Variants in GPATCH2 observed in about 807,000 individuals in gnomAD.
GPATCH2 encodes the protein G patch domain-containing protein 2.
In GPATCH2, 51 loss-of-function variants were observed where a neutral mutation model predicts 58.0. The observed-to-expected ratio is 0.88, with a 90% CI of 0.70 to 1.11. GPATCH2 has a LOEUF of 1.11. Among genes scored for constraint, GPATCH2 ranks in the 50% most tolerant of loss-of-function variants. GPATCH2 has a pLI of 0.00. For synonymous variants in GPATCH2, 222 were observed against 218.5 expected, an observed-to-expected ratio of 1.02 and a Z score of -0.14; for missense variants, 625 against 652.2, an observed-to-expected ratio of 0.96 and a Z score of 0.45.
intron 2 of GPATCH2, among the ~76,000 whole-genome samples, chr1:217,618,221 C>CTTTTTTT (rs34863823): frequency 8.0e-6 from 1 of 124,766 alleles, no homozygotes; most frequent in African/African-American, 3.0e-5. Flanking sequence ...CCTCTGGAAA[C>CTTTTTTT]TTTTTTTTTT....
At chr1:217,589,915 ACT>A (rs1207332181) in intron 5 of GPATCH2, among the ~76,000 whole-genome samples, 1 of 151,856 alleles carries the variant, frequency 6.6e-6, no homozygotes, top group Non-Finnish European at 1.5e-5. Context: ...TCTATAACCA[ACT>A]CTATTTGAAA....
chr1:217,530,309 C>A (rs527912212), intron 5 of GPATCH2, among the ~76,000 whole-genome samples: 1 of 152,198 alleles, frequency 6.6e-6, no homozygotes, highest in East Asian at 1.9e-4. Flanking sequence ...AGTGTTATGA[C>A]TGTCTCAATT....
chr1:217,568,146 A>AC (rs1491433198), intron 5 of GPATCH2, among the ~76,000 whole-genome samples: 7 of 152,162 alleles, frequency 4.6e-5, no homozygotes, highest in African/African-American at 1.2e-4. Flanking sequence ...CAACAAAAAA[A>AC]CCCCAACATT....
chr1:217,462,114 C>A lies in GPATCH2; in HGVS notation c.1278-12777G>T, dbSNP rs575087514. Among the ~76,000 whole-genome samples, 50 of 152,192 alleles carry A rather than the reference C, an allele frequency of 3.3e-4. No individual in the cohort carries two copies. In the South Asian group the frequency reaches 0.01, roughly 32 times the overall value. ...AGTTTTGACATTAAGATCTTTGAAC[C>A]AAAGGCAGTTTATAATTTTGTTAAA... On this transcript the variant is annotated intron_variant, in intron 8 of 9. Coordinates refer to ENST00000366935, the MANE Select transcript of GPATCH2 (RefSeq NM_018040.5).
chr1:217,581,656 A>T (rs1667090819), intron 5 of GPATCH2, among the ~76,000 whole-genome samples: 1 of 152,150 alleles, frequency 6.6e-6, no homozygotes, highest in African/African-American at 2.4e-5. Flanking sequence ...AACAGTGTGA[A>T]ATATTAGAAG....
rs1306255865 is a variant in GPATCH2, at chr1:217,610,402, T to A, written c.1019-2A>T. 1.3e-6 allele frequency: 2 copies of A among 1,572,334 alleles called. No individual in the cohort carries two copies. ...GGCGACTGAGTCTAGCTTGGAAACC[T>A]GTAAAATCAAAGTACTCAATTTAGA... On this transcript the variant is annotated splice_acceptor_variant, in intron 4 of 9. Transcript: ENST00000366935. LOFTEE classifies it high-confidence loss of function.
In GPATCH2 at chr1:217,594,299, C is replaced by T. The variant is rs1460270891; in HGVS notation, c.1098+16022G>A. Among the ~76,000 whole-genome samples, 5 of 152,066 alleles carry T rather than the reference C, an allele frequency of 3.3e-5. No homozygotes were observed. In the East Asian group the frequency reaches 5.8e-4, roughly 18 times the overall value. On this transcript the variant is annotated intron_variant, in intron 5 of 9. Coordinates refer to ENST00000366935, the MANE Select transcript of GPATCH2 (RefSeq NM_018040.5). ...AGTTACAAAACATTTTTATATTTAA[C>T]ATGTGAGCTTAAAAATAATTAACAA...
At chr1:217,433,841 G>A (rs758297606) in intron 9 of GPATCH2, among the ~76,000 whole-genome samples, 9 of 152,220 alleles carry the variant, frequency 5.9e-5, no homozygotes, top group Non-Finnish European at 1.3e-4. Context: ...CAGCAAGTGA[G>A]TCACGCTCTG....
At chr1:217,461,358 C>A (rs1263820765) in intron 8 of GPATCH2, among the ~76,000 whole-genome samples, 1 of 152,146 alleles carries the variant, frequency 6.6e-6, no homozygotes, top group East Asian at 1.9e-4. Context: ...CAGAAATAAT[C>A]TCTTACTCAT....
chr1:217,544,025 T>A (rs1664896847), intron 5 of GPATCH2, among the ~76,000 whole-genome samples: 1 of 152,236 alleles, frequency 6.6e-6, no homozygotes, highest in Admixed American at 6.5e-5. Context: ...ATAGTTATAC[T>A]TGAGTTACTA....
chr1:217,449,137 T>G, intron 9 of GPATCH2, 112 bp downstream of exon 9: 1 of 690,342 alleles, frequency 1.4e-6, no homozygotes, highest in Non-Finnish European at 2.6e-6. Flanking sequence ...TCATAGTTTC[T>G]TGCAACTGTG....
At chr1:217,482,982 G>C (rs1441987017) in intron 8 of GPATCH2, among the ~76,000 whole-genome samples, 1 of 152,058 alleles carries the variant, frequency 6.6e-6, no homozygotes, top group East Asian at 1.9e-4. Context: ...ATGTTTCCTA[G>C]AATTTTACAT....
chr1:217,537,964 C>A (rs929838061), intron 5 of GPATCH2, among the ~76,000 whole-genome samples: 4 of 152,016 alleles, frequency 2.6e-5, no homozygotes, highest in African/African-American at 4.8e-5. Context: ...CAGACTTTAC[C>A]TCCTCCTTAC....
At chr1:217,559,900 G>T (rs1665836066) in intron 5 of GPATCH2, among the ~76,000 whole-genome samples, 1 of 148,584 alleles carries the variant, frequency 6.7e-6, no homozygotes, top group Admixed American at 6.7e-5. Context: ...GAGAGAGAGA[G>T]GTCTATACCC....
chr1:217,474,073 A>T (rs888471479), intron 8 of GPATCH2, among the ~76,000 whole-genome samples: 1 of 152,208 alleles, frequency 6.6e-6, no homozygotes. Context: ...ATACTTTATT[A>T]GTAGAGAATA....
At chr1:217,569,425 T>C (rs1031533405) in intron 5 of GPATCH2, among the ~76,000 whole-genome samples, 1 of 152,112 alleles carries the variant, frequency 6.6e-6, no homozygotes, top group African/African-American at 2.4e-5. Context: ...CCAGGCACAA[T>C]GGCTCACGCC....
chr1:217,585,055 T>C (rs930226112), intron 5 of GPATCH2, among the ~76,000 whole-genome samples: 2 of 152,096 alleles, frequency 1.3e-5, no homozygotes. Context: ...TTAAAAGCAT[T>C]ATTAAAAATA....
chr1:217,618,876 T>C (rs1483229094), intron 2 of GPATCH2, among the ~76,000 whole-genome samples: 1 of 150,696 alleles, frequency 6.6e-6, no homozygotes, highest in Non-Finnish European at 1.5e-5. Flanking sequence ...GGCAGGAGAA[T>C]CACCTGAACC....
intron 9 of GPATCH2, among the ~76,000 whole-genome samples, chr1:217,444,817 A>G (rs1659309494): frequency 6.6e-6 from 1 of 152,224 alleles, no homozygotes; most frequent in Non-Finnish European, 1.5e-5. Flanking sequence ...AGCAGCAAAT[A>G]AAAATATAAT....
Sources: allele counts gnomAD v4.1 joint callset (sites outside exome capture counted in the v4.1 genomes callset), GRCh38; gene constraint gnomAD v4.1.1; transcripts MANE v1.5; gene names NCBI Gene and HGNC (gene_info 2026-07-23, HGNC 2026-07-21).